ITGA8: variants seen among roughly 807,000 people sequenced by gnomAD.
ITGA8 encodes integrin alpha-8.
In ITGA8, 91 loss-of-function variants were observed where a neutral mutation model predicts 142.3. That is an observed-to-expected ratio of 0.64 (90% CI 0.54 to 0.76). ITGA8 has a LOEUF of 0.76. Ranked by LOEUF, ITGA8 falls within the 30% of genes least tolerant of loss-of-function variation. The probability of loss-of-function intolerance (pLI) is 0.00; values close to 1 mark genes in which losing one functional copy is unlikely to be tolerated. For synonymous variants in ITGA8, 505 were observed against 485.2 expected, an observed-to-expected ratio of 1.04 and a Z score of -0.54; for missense variants, 1,406 against 1,327.7, an observed-to-expected ratio of 1.06 and a Z score of -0.92.
intron 5 of ITGA8, among the ~76,000 whole-genome samples, 193 bp from the exon 6 acceptor site, chr10:15,677,830 TATC>T (rs1242760625): frequency 2.6e-5 from 4 of 152,226 alleles, no homozygotes; most frequent in African/African-American, 9.6e-5. Flanking sequence ...TTTAGTGTGT[TATC>T]ATATTAAATA....
intron 9 of ITGA8, among the ~76,000 whole-genome samples, chr10:15,660,513 G>A (rs1360214546): frequency 1.3e-5 from 2 of 152,294 alleles, no homozygotes; most frequent in Middle Eastern, 3.4e-3. Flanking sequence ...GTATACAGAT[G>A]GTCCTTCAAT....
intron 2 of ITGA8, among the ~76,000 whole-genome samples, chr10:15,701,589 C>T (rs140193878): frequency 6.6e-6 from 1 of 152,104 alleles, no homozygotes; most frequent in East Asian, 1.9e-4. Context: ...AATCTTTTAG[C>T]CTAGTGAAAT....
intron 29 of ITGA8, among the ~76,000 whole-genome samples, chr10:15,517,944 C>G (rs1832993778): frequency 6.6e-6 from 1 of 152,192 alleles, no homozygotes; most frequent in East Asian, 1.9e-4. Context: ...CCTAAAGTAT[C>G]CTGTCAGCTG....
chr10:15,522,554 C>T (rs764792663), intron 28 of ITGA8, among the ~76,000 whole-genome samples: 6 of 152,158 alleles, frequency 3.9e-5, no homozygotes, highest in African/African-American at 4.8e-5. Flanking sequence ...TGGAAAATTC[C>T]GAGGTTTCAT....
intron 28 of ITGA8, among the ~76,000 whole-genome samples, chr10:15,530,486 C>T (rs1588626714): frequency 7.9e-6 from 1 of 125,874 alleles, no homozygotes; most frequent in Non-Finnish European, 1.6e-5. Context: ...GCAACGGTTG[C>T]AGTGAGCTGA....
chr10:15,562,398 C>A (rs72779951), intron 25 of ITGA8, among the ~76,000 whole-genome samples: 1 of 152,202 alleles, frequency 6.6e-6, no homozygotes, highest in Non-Finnish European at 1.5e-5. Flanking sequence ...TGGGACTGTG[C>A]ATGACTGAGA....
chr10:15,668,637 T>A (rs1467304210), intron 8 of ITGA8, among the ~76,000 whole-genome samples: 1 of 152,214 alleles, frequency 6.6e-6, no homozygotes, highest in Non-Finnish European at 1.5e-5. Context: ...CAATTTGGCA[T>A]GTTTTTGCAG....
At chr10:15,708,960 C>A (rs950150974) in intron 2 of ITGA8, among the ~76,000 whole-genome samples, 2 of 152,112 alleles carry the variant, frequency 1.3e-5, no homozygotes, top group Admixed American at 6.6e-5. Flanking sequence ...AGAAATAAAC[C>A]TTAGATGCTT....
chr10:15,623,316 C>A (rs1473023016), intron 13 of ITGA8, among the ~76,000 whole-genome samples: 1 of 152,162 alleles, frequency 6.6e-6, no homozygotes, highest in African/African-American at 2.4e-5. Context: ...TGAACCCACA[C>A]TGGGCTCCTT....
intron 2 of ITGA8, among the ~76,000 whole-genome samples, chr10:15,696,192 G>A (rs906254796): frequency 6.6e-6 from 1 of 152,204 alleles, no homozygotes; most frequent in East Asian, 1.9e-4. Flanking sequence ...CAGTGGTTCC[G>A]GGAGAGGATG....
chr10:15,684,189 A>T, intron 3 of ITGA8, 62 bp from the exon 4 acceptor site: 1 of 1,528,152 alleles, frequency 6.5e-7, no homozygotes, highest in Non-Finnish European at 8.9e-7. Flanking sequence ...CTACAGTTTT[A>T]TTTGAATTAT....
chr10:15,526,791 T>C (rs538938300), intron 28 of ITGA8, among the ~76,000 whole-genome samples: 34 of 152,376 alleles, frequency 2.2e-4, no homozygotes, highest in Non-Finnish European at 3.5e-4. Flanking sequence ...ATTCATAAAT[T>C]GTAAGTGGTT....
chr10:15,599,072 G>A (rs567828818), intron 20 of ITGA8, among the ~76,000 whole-genome samples: 2 of 84,780 alleles, frequency 2.4e-5, no homozygotes, highest in East Asian at 7.2e-4. Context: ...CAAGGATTTA[G>A]TTTCTATAGT....
chr10:15,567,490 T>A (rs908088545), intron 25 of ITGA8, among the ~76,000 whole-genome samples: 4 of 152,146 alleles, frequency 2.6e-5, no homozygotes, highest in Non-Finnish European at 5.9e-5. Flanking sequence ...ACGATGTGAA[T>A]AAGGTGCCAT....
chr10:15,651,245 C>T lies in ITGA8; in HGVS notation c.1001+4109G>A, dbSNP rs556323125. On this transcript the variant is annotated intron_variant, in intron 11 of 29. Transcript: ENST00000378076. Reference sequence around the variant, plus strand: ...TTAGGCACGAGATGAAAAATACCATCTCCATTTGTTGTTAACAGGTTTGTT... The same window carrying T: ...TTAGGCACGAGATGAAAAATACCATTTCCATTTGTTGTTAACAGGTTTGTT... 1.7e-4 allele frequency among the ~76,000 whole-genome samples: 26 copies of T among 152,196 alleles called. No homozygotes were observed. The East Asian group carries it at 4.2e-3, about 25-fold the overall frequency.
intron 22 of ITGA8, among the ~76,000 whole-genome samples, 155 bp downstream of exon 22, chr10:15,592,070 A>C (rs1036293048): frequency 1.3e-5 from 2 of 152,232 alleles, no homozygotes; most frequent in African/African-American, 4.8e-5. Context: ...TTACTGAAAC[A>C]ATTGAGAAAA....
In ITGA8 at chr10:15,666,942, G is replaced by T. The variant is rs1178778717; in HGVS notation, c.847+4661C>A. 2.0e-5 allele frequency among the ~76,000 whole-genome samples: 3 copies of T among 152,230 alleles called. No individual in the cohort carries two copies. The East Asian group carries it at 5.8e-4, about 29-fold the overall frequency. On this transcript the variant is annotated intron_variant, in intron 8 of 29. Transcript: ENST00000378076. ...TGCCAGTACTTTATTGAGGATTTTT[G>T]CATCGATGTTCATCAAGGATATTGG...
chr10:15,661,404 T>C (rs1237690445), intron 8 of ITGA8, among the ~76,000 whole-genome samples: 3 of 152,302 alleles, frequency 2.0e-5, no homozygotes, highest in South Asian at 4.1e-4. Flanking sequence ...CGGTTGCGGA[T>C]TGCTGATGTA....
chr10:15,670,961 A>C lies in ITGA8; in HGVS notation c.847+642T>G, dbSNP rs562475844. Among the ~76,000 whole-genome samples the C allele has an allele frequency of 3.3e-5, 5 of 152,300 alleles. No homozygotes were observed. In the South Asian group the frequency reaches 1.0e-3, roughly 32 times the overall value. ...TTTGTCTGTCTGACCCCCCACCGTC[A>C]TCATCCCAGGCTCCGTTTTCTTAAC... On this transcript the variant is annotated intron_variant, in intron 8 of 29. Transcript: ENST00000378076.
Sources: gnomAD v4.1 joint callset for allele counts (sites outside exome capture counted in the v4.1 genomes callset) on GRCh38, gnomAD v4.1.1 for gene constraint, MANE v1.5 for transcripts, NCBI Gene and HGNC (gene_info 2026-07-23, HGNC 2026-07-21) for gene names.